The following TLCD4 variants were observed in gnomAD, a reference collection of about 807,000 sequenced individuals.
TLCD4 encodes the protein TLC domain-containing protein 4.
TLCD4 carries 7 observed loss-of-function variants against 24.2 expected under a neutral mutation model. The ratio of observed to expected loss-of-function variants is 0.29; its 90% confidence interval spans 0.16 to 0.54. The LOEUF (loss-of-function observed/expected upper bound fraction) is 0.54, where lower values mean the gene tolerates loss of function less well. Ranked by LOEUF, TLCD4 falls within the 20% of genes least tolerant of loss-of-function variation. The pLI is 0.95. For synonymous variants in TLCD4, 103 were observed against 106.4 expected (o/e 0.97, Z 0.20); for missense variants, 259 against 313.9 (o/e 0.82, Z 1.32).
chr1:95,156,883 C>A (rs1252813049), intron 5 of TLCD4, among the ~76,000 whole-genome samples: 2 of 152,026 alleles, frequency 1.3e-5, no homozygotes, highest in African/African-American at 4.8e-5. Context: ...GAAAGTGGCC[C>A]ATATGCCATT....
Position 95,192,005 on chromosome 1 carries a change from G to C in TLCD4, c.*137G>C. 4.9e-6 allele frequency: 7 copies of C among 1,443,168 alleles called. No individual in the cohort carries two copies. Among genetic ancestry groups the C allele is most frequent in the Non-Finnish European group, 6.3e-6 (7 of 1,107,066 alleles). 89.4% of individuals were successfully genotyped at this position (1,443,168 alleles called of 1,614,324 possible). ...TCAGTGTCATTTTTTTTAAACCTTA[G>C]AAAAGAGAAGGCCGGGCACGGTGGC... On this transcript the variant is annotated 3_prime_UTR_variant, in exon 7 of 7. Coordinates refer to ENST00000370203, the MANE Select transcript of TLCD4 (RefSeq NM_152487.3).
At chr1:95,134,196 T>C (rs1676984759) in intron 1 of TLCD4, among the ~76,000 whole-genome samples, 1 of 151,792 alleles carries the variant, frequency 6.6e-6, no homozygotes. Flanking sequence ...ATGGACTGAG[T>C]CGTCTAGGAG....
chr1:95,118,637 G>A (rs1676494322), intron 1 of TLCD4, among the ~76,000 whole-genome samples: 1 of 152,082 alleles, frequency 6.6e-6, no homozygotes, highest in African/African-American at 2.4e-5. Context: ...CTTGGATTGT[G>A]GTGTTTTAAG....
intron 5 of TLCD4, chr1:95,164,964 A>T (rs1198649670): frequency 6.6e-6 from 1 of 152,038 alleles, no homozygotes; most frequent in African/African-American, 2.4e-5. Context: ...GTAGCTTCAT[A>T]TCCTCAAGGA....
intron 1 of TLCD4, 37 bp downstream of exon 1, chr1:95,117,654 G>C (rs1557674693): frequency 1.3e-5 from 2 of 151,956 alleles, no homozygotes; most frequent in South Asian, 2.1e-4. Flanking sequence ...GGAGGAAGGC[G>C]GGCTTGCCTC....
chr1:95,177,607 G>A (rs1378873582), intron 6 of TLCD4, among the ~76,000 whole-genome samples: 1 of 151,840 alleles, frequency 6.6e-6, no homozygotes, highest in East Asian at 1.9e-4. Context: ...TTGTTTAACC[G>A]CTAGACCACC....
Position 95,195,780 on chromosome 1 carries a change from T to A in TLCD4, c.*3912T>A, listed in dbSNP as rs934691003. On this transcript the variant is annotated 3_prime_UTR_variant, in exon 7 of 7. Transcript: ENST00000370203. ...AATGAAAAGCTAGAGGATCTGGAGTTAGAGGAGGCATTGAGAGTGCTTTTC... is the reference window on the plus strand; with the variant it reads ...AATGAAAAGCTAGAGGATCTGGAGTAAGAGGAGGCATTGAGAGTGCTTTTC... The A allele has an allele frequency of 2.6e-5, 4 of 152,188 alleles. No individual in the cohort carries two copies. The highest frequency in any genetic ancestry group is 1.3e-4 in the Admixed American group (2 of 15,278). 9.4% of individuals were successfully genotyped at this position (152,188 alleles called of 1,614,324 possible).
chr1:95,168,368 C>A (rs2391634), intron 5 of TLCD4, among the ~76,000 whole-genome samples: 1 of 152,092 alleles, frequency 6.6e-6, no homozygotes, highest in Non-Finnish European at 1.5e-5. Flanking sequence ...CCTGCCTCTT[C>A]TACTTGCTTA....
intron 5 of TLCD4, among the ~76,000 whole-genome samples, chr1:95,165,375 A>G (rs897540536): frequency 6.6e-6 from 1 of 151,712 alleles, no homozygotes; most frequent in Admixed American, 6.6e-5. Flanking sequence ...GAATATCCAT[A>G]TATCTTCTCA....
Position 95,193,369 on chromosome 1 carries a change from T to C in TLCD4, c.*1501T>C, listed in dbSNP as rs1019950892. ...TACTTTAATTCTTGCAATCCAAATA[T>C]AGAATTATATATTTATCTATTATTG... On this transcript the variant is annotated 3_prime_UTR_variant, in exon 7 of 7. Transcript: ENST00000370203. The C allele has an allele frequency of 6.6e-6, 1 of 152,116 alleles. No homozygotes were observed. Among genetic ancestry groups the C allele is most frequent in the Admixed American group, 6.5e-5 (1 of 15,274 alleles). 9.4% of individuals were successfully genotyped at this position (152,116 alleles called of 1,614,324 possible).
chr1:95,135,737 C>T (rs965324558), intron 1 of TLCD4, among the ~76,000 whole-genome samples: 2 of 150,588 alleles, frequency 1.3e-5, no homozygotes, highest in Non-Finnish European at 3.0e-5. Flanking sequence ...CTCTCAAGTT[C>T]GTTTTGTTTT....
chr1:95,140,215 T>A (rs1278519736), intron 1 of TLCD4, among the ~76,000 whole-genome samples: 1 of 152,232 alleles, frequency 6.6e-6, no homozygotes, highest in Non-Finnish European at 1.5e-5. Context: ...TCAACTATTA[T>A]GTACTGCACA....
At chr1:95,111,803 T>A in the TLCD4 span, among the ~76,000 whole-genome samples, 4 of 152,298 alleles carry the variant, frequency 2.6e-5, no homozygotes, top group East Asian at 7.7e-4. Flanking sequence ...TCAGGCAGCC[T>A]GCACTCATGC....
chr1:95,108,224 T>C, the TLCD4 span, among the ~76,000 whole-genome samples: 1 of 152,312 alleles, frequency 6.6e-6, no homozygotes, highest in East Asian at 1.9e-4. Flanking sequence ...TATGCTATTA[T>C]TGTTATTTTT....
At chr1:95,151,500 T>C (rs1677489691) in intron 5 of TLCD4, 81 bp downstream of exon 5, 1 of 1,503,898 alleles carries the variant, frequency 6.6e-7, no homozygotes, top group Non-Finnish European at 9.0e-7. Context: ...AATCTAAACA[T>C]ACAATTCTTA....
intron 6 of TLCD4, among the ~76,000 whole-genome samples, chr1:95,183,605 G>A (rs767770843): frequency 6.6e-6 from 1 of 152,174 alleles, no homozygotes; most frequent in African/African-American, 2.4e-5. Context: ...TTGGGAGGCC[G>A]AGGCGAGCAG....
intron 5 of TLCD4, among the ~76,000 whole-genome samples, chr1:95,151,711 A>T (rs992137006): frequency 2.6e-5 from 4 of 152,096 alleles, no homozygotes; most frequent in Non-Finnish European, 2.9e-5. Context: ...AGCTATAGAT[A>T]TTTGTCTGTA....
chr1:95,148,837 G>T lies in TLCD4; in HGVS notation c.245+46G>T. The T allele has an allele frequency of 2.5e-6, 4 of 1,597,106 alleles. No individual in the cohort carries two copies. The South Asian group carries it at 3.4e-5, about 14-fold the overall frequency. ...AGATTGCCAATTTCATTTATGTTTT[G>T]ATATTAATTATTTATAAGAACATCA... On this transcript the variant is annotated intron_variant, in intron 3 of 6. Transcript: ENST00000370203.
At chr1:95,189,305 T>G (rs749314323) in intron 6 of TLCD4, among the ~76,000 whole-genome samples, 1 of 152,192 alleles carries the variant, frequency 6.6e-6, no homozygotes, top group Non-Finnish European at 1.5e-5. Flanking sequence ...CACCTCTTTC[T>G]ACCTTACTCC....
Sources: gnomAD v4.1 joint callset for allele counts (sites outside exome capture counted in the v4.1 genomes callset) on GRCh38, gnomAD v4.1.1 for gene constraint, MANE v1.5 for transcripts, NCBI Gene and HGNC (gene_info 2026-07-23, HGNC 2026-07-21) for gene names.